The following ATP11A variants were observed in gnomAD, a reference collection of about 807,000 sequenced individuals.
The protein encoded by ATP11A is ATPase phospholipid transporting 11A, also known as phospholipid-transporting ATPase IH.
A neutral mutation model predicts 154.4 loss-of-function variants in ATP11A; 81 were observed. The ratio of observed to expected loss-of-function variants is 0.52; its 90% CI spans 0.44 to 0.63. The LOEUF (loss-of-function observed/expected upper bound fraction) is 0.63, where lower values mean the gene tolerates loss of function less well. ATP11A is among the 30% of genes least tolerant of loss of function. ATP11A has a pLI of 0.00. For missense variants in ATP11A, 1,316 were observed against 1,474.3 expected, an observed-to-expected ratio of 0.89 and a Z score of 1.76; for synonymous variants, 623 against 585.9, an observed-to-expected ratio of 1.06 and a Z score of -0.91.
intron 1 of ATP11A, among the ~76,000 whole-genome samples, chr13:112,733,849 A>G (rs908457098): frequency 6.6e-6 from 1 of 152,116 alleles, no homozygotes; most frequent in African/African-American, 2.4e-5. Context: ...TGGACAGCCA[A>G]ATCTCATTTT....
At chr13:112,770,573 C>G (rs1174785218) in intron 1 of ATP11A, among the ~76,000 whole-genome samples, 1 of 152,228 alleles carries the variant, frequency 6.6e-6, no homozygotes, top group Non-Finnish European at 1.5e-5. Flanking sequence ...ACCCCAGACC[C>G]TGCTTACATG....
chr13:112,861,731 C>A lies in ATP11A; in HGVS notation c.2856-709C>A, dbSNP rs191811287. Among the ~76,000 whole-genome samples the A allele has an allele frequency of 3.3e-5, 5 of 152,340 alleles. No individual in the cohort carries two copies. The East Asian group carries it at 9.6e-4, about 29-fold the overall frequency. On this transcript the variant is annotated intron_variant, in intron 24 of 29. Transcript: ENST00000375645. The stretch of plus-strand genomic sequence containing the variant: ...GTGATTAAGGACGATGATAAAAAGG[C>A]AAACTTCTGAGTTGGTTGTACATCT...
chr13:112,810,440 C>T (rs1034737912), intron 4 of ATP11A, among the ~76,000 whole-genome samples, 179 bp from the exon 5 acceptor site: 1 of 152,234 alleles, frequency 6.6e-6, no homozygotes, highest in African/African-American at 2.4e-5. Flanking sequence ...TGCCATGGAA[C>T]ATGCCGATGC....
At chr13:112,701,705 C>T (rs932393367) in intron 1 of ATP11A, among the ~76,000 whole-genome samples, 86 of 152,120 alleles carry the variant, frequency 5.7e-4, no homozygotes, top group African/African-American at 2.0e-3. Flanking sequence ...TGGTGGCGGG[C>T]GCCTGTAGTC....
chr13:112,703,154 A>G (rs1027893342), intron 1 of ATP11A: 26 of 152,164 alleles, frequency 1.7e-4, no homozygotes, highest in African/African-American at 6.3e-4. Context: ...ATAGAAATTT[A>G]TTTCTTGTAG....
chr13:112,762,269 T>C (rs1414557990), intron 1 of ATP11A, among the ~76,000 whole-genome samples: 2 of 152,178 alleles, frequency 1.3e-5, no homozygotes, highest in Admixed American at 6.5e-5. Context: ...GAATCTGTAC[T>C]GTGGAGACTG....
chr13:112,872,247 T>C (rs1215414044), intron 26 of ATP11A, among the ~76,000 whole-genome samples: 1 of 152,264 alleles, frequency 6.6e-6, no homozygotes, highest in Non-Finnish European at 1.5e-5. Flanking sequence ...AGACTGAGTC[T>C]TAAAAAGTGA....
intron 1 of ATP11A, among the ~76,000 whole-genome samples, chr13:112,734,210 G>T (rs1156618081): frequency 6.6e-6 from 1 of 152,140 alleles, no homozygotes; most frequent in Non-Finnish European, 1.5e-5. Flanking sequence ...CCAGCAGGAT[G>T]GACATGCGAG....
chr13:112,714,285 G>A (rs1043442613), intron 1 of ATP11A, among the ~76,000 whole-genome samples: 5 of 151,910 alleles, frequency 3.3e-5, no homozygotes, highest in Middle Eastern at 3.4e-3. Flanking sequence ...AGCACCTCCC[G>A]CTGCCGCTCC....
Position 112,831,425 on chromosome 13 carries a change from G to A in ATP11A, c.1272G>A (p.Met424Ile). 6.2e-7 allele frequency: 1 copy of A among 1,614,180 alleles called. No homozygotes were observed. Among genetic ancestry groups the A allele is most frequent in the Non-Finnish European group, 8.5e-7 (1 of 1,180,018 alleles). ...DKTGTLTENN[M>I]EFKECCIEGH... ...CCGGCACCCTCACGGAAAACAACAT[G>A]GAGTTCAAGGAGTGCTGCATCGAAG... The change falls in exon 13 of 30, where the codon ATG becomes ATA. Residue 424 changes from methionine (M) to isoleucine (I), a missense_variant. Met to Ile is a conservative substitution (Grantham distance 10). Coordinates refer to ENST00000375645, the MANE Select transcript of ATP11A (RefSeq NM_015205.3).
intron 25 of ATP11A, among the ~76,000 whole-genome samples, chr13:112,866,186 G>A (rs576466716): frequency 3.9e-4 from 60 of 152,302 alleles, no homozygotes; most frequent in African/African-American, 1.4e-3. Flanking sequence ...ACAATCATGG[G>A]TTTGTCGTTT....
intron 3 of ATP11A, among the ~76,000 whole-genome samples, chr13:112,805,535 G>A (rs1049200283): frequency 4.6e-5 from 7 of 152,112 alleles, no homozygotes; most frequent in Admixed American, 3.3e-4. Flanking sequence ...AATTAGCTGG[G>A]TGTGGTGGTG....
intron 26 of ATP11A, 116 bp downstream of exon 26, chr13:112,871,916 TC>T: frequency 8.5e-7 from 1 of 1,173,786 alleles, no homozygotes; most frequent in Non-Finnish European, 1.3e-6. Flanking sequence ...GAAGCCACTC[TC>T]CACCCAGCCT....
At chr13:112,865,695 G>A (rs1241749042) in intron 25 of ATP11A, among the ~76,000 whole-genome samples, 2 of 152,142 alleles carry the variant, frequency 1.3e-5, no homozygotes, top group South Asian at 2.1e-4. Context: ...GACTACAGGC[G>A]CCCGCCACCA....
intron 8 of ATP11A, 68 bp downstream of exon 8, chr13:112,820,018 C>G: frequency 6.9e-7 from 1 of 1,439,448 alleles, no homozygotes; most frequent in Non-Finnish European, 9.3e-7. Flanking sequence ...CATTCTTTGA[C>G]GGACAAGGGT....
At chr13:112,777,677 G>C (rs188881837) in intron 1 of ATP11A, among the ~76,000 whole-genome samples, 1 of 152,216 alleles carries the variant, frequency 6.6e-6, no homozygotes, top group African/African-American at 2.4e-5. Flanking sequence ...TGTGCTGTGC[G>C]GTTACAGCTG....
At chr13:112,860,260 C>T (rs201416616) in intron 23 of ATP11A, 27 bp from the exon 24 acceptor site, 7 of 1,602,322 alleles carry the variant, frequency 4.4e-6, no homozygotes, top group Non-Finnish European at 6.0e-6. Flanking sequence ...CACTGAGGTG[C>T]CACTTCTTGT....
chr13:112,833,152 C>A, intron 14 of ATP11A, 129 bp downstream of exon 14: 1 of 1,183,948 alleles, frequency 8.4e-7, no homozygotes. Context: ...AGCTGTGCTG[C>A]CTTTGCACCC....
chr13:112,814,248 A>G (rs1008969727), intron 5 of ATP11A, among the ~76,000 whole-genome samples: 5 of 151,904 alleles, frequency 3.3e-5, no homozygotes, highest in African/African-American at 1.2e-4. Context: ...GTGTTAGTAG[A>G]GATGGGGTTT....
Sources: allele counts gnomAD v4.1 joint callset (sites outside exome capture counted in the v4.1 genomes callset), GRCh38; gene constraint gnomAD v4.1.1; transcripts MANE v1.5; gene names NCBI Gene and HGNC (gene_info 2026-07-23, HGNC 2026-07-21).